The following GALNS variants were observed in gnomAD, a reference collection of about 807,000 sequenced individuals.
GALNS encodes galactosamine (N-acetyl)-6-sulfatase, also known as N-acetylgalactosamine-6-sulfatase.
A neutral mutation model predicts 65.9 loss-of-function variants in GALNS; 65 were observed. That is an observed-to-expected ratio of 0.99 (90% CI 0.81 to 1.21). The LOEUF (loss-of-function observed/expected upper bound fraction) is 1.21, where lower values mean the gene tolerates loss of function less well. GALNS is among the 50% of genes most tolerant of loss of function. The pLI is 0.00. For synonymous variants in GALNS, 346 were observed against 288.9 expected, an observed-to-expected ratio of 1.20 and a Z score of -2.00; for missense variants, 776 against 700.7, an observed-to-expected ratio of 1.11 and a Z score of -1.21.
chr16:88,833,868 G>A (rs889447085), intron 8 of GALNS, among the ~76,000 whole-genome samples: 5 of 152,274 alleles, frequency 3.3e-5, no homozygotes, highest in African/African-American at 7.2e-5. Flanking sequence ...TATGAAACAT[G>A]CCATTTGTTG....
intron 13 of GALNS, chr16:88,815,843 G>A (rs906449803): frequency 2.2e-5 from 22 of 984,560 alleles, no homozygotes; most frequent in Non-Finnish European, 2.7e-5. Flanking sequence ...CAGCCGCAGG[G>A]TGTGTTTGAG....
At chr16:88,828,995 TCACGC>T (rs1343464454) in intron 9 of GALNS, among the ~76,000 whole-genome samples, 3,453 of 98,122 alleles carry the variant, frequency 0.035, 471 homozygotes, top group Middle Eastern at 0.082. Flanking sequence ...GTCCCGGGTC[TCACGC>T]CATCGTCTCC....
chr16:88,853,302 C>G (rs998835074), intron 1 of GALNS, among the ~76,000 whole-genome samples: 1 of 151,204 alleles, frequency 6.6e-6, no homozygotes, highest in Non-Finnish European at 1.5e-5. Context: ...AATGATTGTC[C>G]ACGTTCAGCG....
At chr16:88,827,250 G>A (rs776548080) in intron 9 of GALNS, 11 of 252,628 alleles carry the variant, frequency 4.4e-5, no homozygotes, top group Non-Finnish European at 6.4e-5. Flanking sequence ...GATGTGGAGG[G>A]GCAGCTGAGG....
At chr16:88,816,939 G>T (rs73251079) in intron 13 of GALNS, 1 of 985,354 alleles carries the variant, frequency 1.0e-6, no homozygotes, top group East Asian at 1.1e-4. Context: ...CGGCCCAGGG[G>T]CCTCGAGGCT....
chr16:88,855,304 C>G lies in GALNS; in HGVS notation c.120+1454G>C, dbSNP rs897978060. ...CACCTGCAGAGCCCAGCTCATCCAG[C>G]GAAGCTATGCTGGCCCAGAAGGAGT... On this transcript the variant is annotated intron_variant, in intron 1 of 13. Coordinates refer to ENST00000268695, the MANE Select transcript of GALNS (RefSeq NM_000512.5). 2.6e-5 allele frequency: 18 copies of G among 699,676 alleles called. No individual in the cohort carries two copies. In the Admixed American group the frequency reaches 2.8e-4, roughly 11 times the overall value. The allele number at this position is 699,676 out of a possible 1,614,324, so 43.3% of individuals were successfully genotyped here. A position where few individuals can be genotyped will look rare whatever the true frequency, so the allele number is the denominator to read the frequency against.
chr16:88,855,519 G>A (rs746770522), intron 1 of GALNS: 11 of 702,686 alleles, frequency 1.6e-5, no homozygotes, highest in African/African-American at 1.7e-5. Flanking sequence ...CTGGAAAGCA[G>A]TCACTGCACA....
intron 4 of GALNS, among the ~76,000 whole-genome samples, chr16:88,839,452 G>A (rs1408051821): frequency 6.6e-6 from 1 of 152,286 alleles, no homozygotes; most frequent in East Asian, 1.9e-4. Flanking sequence ...GCACTCACCA[G>A]CAGGTGACCT....
At chr16:88,831,953 C>A (rs764618547) in intron 9 of GALNS, 45 bp downstream of exon 9, 5 of 1,550,610 alleles carry the variant, frequency 3.2e-6, no homozygotes, top group Non-Finnish European at 3.6e-6. Context: ...GGGATGGCTG[C>A]AGGCCTGGAC....
At chr16:88,840,561 G>A in intron 4 of GALNS, 2 of 307,662 alleles carry the variant, frequency 6.5e-6, no homozygotes, top group South Asian at 5.7e-5. Flanking sequence ...CTTCCTGGTG[G>A]CTTCTTTGTG....
chr16:88,845,621 C>A (rs1426017869), intron 1 of GALNS: 1 of 150,648 alleles, frequency 6.6e-6, no homozygotes, highest in Non-Finnish European at 1.5e-5. Context: ...GTGGCGGGCA[C>A]CTGTACCAGC....
chr16:88,813,974 A>C lies in GALNS; in HGVS notation c.*465T>G, dbSNP rs1420692968. 4.1e-6 allele frequency: 1 copy of C among 241,780 alleles called. No individual in the cohort carries two copies. The highest frequency in any genetic ancestry group is 8.3e-6 in the Non-Finnish European group (1 of 119,992). The allele number at this position is 241,780 out of a possible 1,614,324, so 15.0% of individuals were successfully genotyped here. On this transcript the variant is annotated 3_prime_UTR_variant, in exon 14 of 14. Coordinates refer to ENST00000268695, the MANE Select transcript of GALNS (RefSeq NM_000512.5). Reference sequence around the variant, plus strand: ...TTCACTGGGCCAGACTCAATCGTGTATTCAGTGGAAGGCTGACTGAACCAA... The same window carrying C: ...TTCACTGGGCCAGACTCAATCGTGTCTTCAGTGGAAGGCTGACTGAACCAA...
At chr16:88,849,192 G>A (rs1183959721) in intron 1 of GALNS, among the ~76,000 whole-genome samples, 1 of 152,226 alleles carries the variant, frequency 6.6e-6, no homozygotes, top group East Asian at 1.9e-4. Flanking sequence ...TTGGCTCACT[G>A]CAACCTCTGC....
chr16:88,856,527 C>A, intron 1 of GALNS: 2 of 696,320 alleles, frequency 2.9e-6, no homozygotes, highest in South Asian at 1.5e-5. Flanking sequence ...CGAGACCCCA[C>A]GCCTGGACCC....
At chr16:88,853,294 T>C (rs958936065) in intron 1 of GALNS, among the ~76,000 whole-genome samples, 4 of 143,970 alleles carry the variant, frequency 2.8e-5, no homozygotes, top group Non-Finnish European at 6.1e-5. Context: ...AGCCCCCAAA[T>C]GATTGTCCAC....
At chr16:88,856,399 C>T (rs1375756934) in intron 1 of GALNS, 9 of 701,450 alleles carry the variant, frequency 1.3e-5, no homozygotes, top group East Asian at 1.1e-4. Context: ...GAGTAGAGGG[C>T]GGGAAAGGTC....
At chr16:88,817,838 C>T (rs910653788) in intron 13 of GALNS, among the ~76,000 whole-genome samples, 169 bp downstream of exon 13, 3 of 152,210 alleles carry the variant, frequency 2.0e-5, no homozygotes, top group Non-Finnish European at 1.5e-5. Flanking sequence ...TCCTGCCTCC[C>T]GAATCCCGGA....
intron 9 of GALNS, among the ~76,000 whole-genome samples, chr16:88,830,023 G>C (rs1377690388): frequency 6.6e-6 from 1 of 152,222 alleles, no homozygotes; most frequent in East Asian, 1.9e-4. Flanking sequence ...ACGAGGTCAG[G>C]AGATTGAGAC....
At chr16:88,826,075 G>A (rs993200689) in intron 10 of GALNS, among the ~76,000 whole-genome samples, 3 of 151,916 alleles carry the variant, frequency 2.0e-5, no homozygotes, top group African/African-American at 7.3e-5. Context: ...GACTTGGATG[G>A]AAGGAAGAAG....
Sources: gnomAD v4.1 joint callset for allele counts (sites outside exome capture counted in the v4.1 genomes callset) on GRCh38, gnomAD v4.1.1 for gene constraint, MANE v1.5 for transcripts, NCBI Gene and HGNC (gene_info 2026-07-23, HGNC 2026-07-21) for gene names.